Variants in MACROD2 observed in about 807,000 individuals in gnomAD.
MACROD2 encodes the protein mono-ADP ribosylhydrolase 2.
MACROD2 carries 36 observed loss-of-function variants against 70.4 expected under a neutral mutation model. The observed-to-expected ratio is 0.51, with a 90% CI of 0.39 to 0.68. The LOEUF (loss-of-function observed/expected upper bound fraction) is 0.68, where lower values mean the gene tolerates loss of function less well. Ranked by LOEUF, MACROD2 falls within the 30% of genes least tolerant of loss-of-function variation. MACROD2 has a pLI of 0.00. For synonymous variants in MACROD2, 172 were observed against 178.8 expected, an observed-to-expected ratio of 0.96 and a Z score of 0.30; for missense variants, 496 against 538.4, an observed-to-expected ratio of 0.92 and a Z score of 0.78.
At chr20:15,701,701 G>A (rs1369251656) in intron 8 of MACROD2, among the ~76,000 whole-genome samples, 1 of 152,128 alleles carries the variant, frequency 6.6e-6, no homozygotes, top group South Asian at 2.1e-4. Flanking sequence ...GCGTACATAT[G>A]CAGGTTTGTT....
chr20:14,149,989 G>A (rs1332750993), intron 3 of MACROD2, among the ~76,000 whole-genome samples: 1 of 151,920 alleles, frequency 6.6e-6, no homozygotes, highest in Non-Finnish European at 1.5e-5. Context: ...AATGTATTTT[G>A]TCTATAAACT....
At chr20:14,055,185 G>A (rs2876713) in intron 2 of MACROD2, among the ~76,000 whole-genome samples, 26,718 of 152,012 alleles carry the variant, frequency 0.18, 2,570 homozygotes, top group South Asian at 0.23. Context: ...AAAAACATGC[G>A]TTTATTTTGT....
chr20:14,126,046 C>G (rs1050047793), intron 3 of MACROD2, among the ~76,000 whole-genome samples: 7 of 152,090 alleles, frequency 4.6e-5, no homozygotes, highest in African/African-American at 1.7e-4. Context: ...CTGAGTGTTA[C>G]GTGAAGCAAA....
intron 5 of MACROD2, among the ~76,000 whole-genome samples, chr20:15,142,476 T>C (rs1249387673): frequency 2.6e-5 from 4 of 152,204 alleles, no homozygotes; most frequent in South Asian, 2.1e-4. Flanking sequence ...ATGGTTTTCA[T>C]AGGCATTTTT....
At chr20:14,849,289 C>T (rs2073173871) in intron 5 of MACROD2, among the ~76,000 whole-genome samples, 1 of 152,170 alleles carries the variant, frequency 6.6e-6, no homozygotes, top group Non-Finnish European at 1.5e-5. Flanking sequence ...TTTTATTCCA[C>T]CAACTTTATT....
chr20:15,653,359 T>C (rs1472414312), intron 8 of MACROD2, among the ~76,000 whole-genome samples: 1 of 152,236 alleles, frequency 6.6e-6, no homozygotes, highest in Admixed American at 6.6e-5. Flanking sequence ...TATGGACATG[T>C]GACTAAAGTC....
At chr20:15,972,684 C>T (rs1313008621) in intron 13 of MACROD2, among the ~76,000 whole-genome samples, 1 of 152,014 alleles carries the variant, frequency 6.6e-6, no homozygotes, top group East Asian at 1.9e-4. Context: ...GTGGTGGGCA[C>T]CTGTAATCCC....
In MACROD2 at chr20:14,346,093, C is replaced by CAAA. The variant is rs71190130; in HGVS notation, c.272-147357_272-147355dup. Reference sequence around the variant, plus strand: ...TGGGTGACAGAGTGAGATTCTGCCTCAAAAAAAAAAAAAAAAAAAAAAAAA... The same window carrying CAAA: ...TGGGTGACAGAGTGAGATTCTGCCTCAAAAAAAAAAAAAAAAAAAAAAAAAAAA... On this transcript the variant is annotated intron_variant, in intron 3 of 17. Transcript: ENST00000684519. Among the ~76,000 whole-genome samples the CAAA allele has an allele frequency of 6.1e-3, 250 of 41,180 alleles. 21 individuals are homozygous for CAAA. Among genetic ancestry groups the CAAA allele is most frequent in the South Asian group, 8.2e-3 (4 of 486 alleles). The allele number at this position is 41,180 out of a possible 152,430, so 27.0% of individuals were successfully genotyped here.
chr20:16,027,293 A>G (rs1478236147), intron 15 of MACROD2, among the ~76,000 whole-genome samples: 1 of 152,154 alleles, frequency 6.6e-6, no homozygotes, highest in Admixed American at 6.6e-5. Flanking sequence ...TCTTGGATGC[A>G]GCGTACATTT....
At chr20:15,056,793 A>G (rs2075489480) in intron 5 of MACROD2, among the ~76,000 whole-genome samples, 1 of 152,242 alleles carries the variant, frequency 6.6e-6, no homozygotes, top group Admixed American at 6.5e-5. Flanking sequence ...CAGCAAAGAG[A>G]TTTTTAAGTA....
chr20:15,059,930 G>C (rs1200969992), intron 5 of MACROD2, among the ~76,000 whole-genome samples: 1 of 152,108 alleles, frequency 6.6e-6, no homozygotes, highest in Non-Finnish European at 1.5e-5. Context: ...GTCAGAAAAA[G>C]AAGATGACAC....
At chr20:15,943,255 T>C (rs1009515709) in intron 12 of MACROD2, among the ~76,000 whole-genome samples, 1 of 152,184 alleles carries the variant, frequency 6.6e-6, no homozygotes, top group Non-Finnish European at 1.5e-5. Flanking sequence ...GGACTCAAAA[T>C]TGCTCTGGAA....
chr20:14,820,357 C>CTTTTTTTTTTTTT (rs11475238), intron 5 of MACROD2, among the ~76,000 whole-genome samples: 1 of 116,140 alleles, frequency 8.6e-6, no homozygotes, highest in Non-Finnish European at 1.8e-5. Context: ...ATTTTTCTTC[C>CTTTTTTTTTTTTT]TTTTTTTTTT....
intron 10 of MACROD2, among the ~76,000 whole-genome samples, chr20:15,908,802 GC>G (rs1174860569): frequency 6.6e-6 from 1 of 152,130 alleles, no homozygotes; most frequent in Non-Finnish European, 1.5e-5. Context: ...TGGATACTAA[GC>G]CAAGCATCTT....
chr20:14,443,096 A>C (rs1568614014), intron 3 of MACROD2, among the ~76,000 whole-genome samples: 1 of 151,384 alleles, frequency 6.6e-6, no homozygotes, highest in Non-Finnish European at 1.5e-5. Context: ...AAAAAAAAGA[A>C]ATGAGAACTA....
intron 3 of MACROD2, among the ~76,000 whole-genome samples, chr20:14,145,090 C>T (rs1484412709): frequency 6.6e-6 from 1 of 152,114 alleles, no homozygotes; most frequent in Non-Finnish European, 1.5e-5. Flanking sequence ...CCATGAGTGC[C>T]TTCTCCCTTG....
chr20:15,961,100 C>T (rs562034702), intron 12 of MACROD2, among the ~76,000 whole-genome samples: 2 of 152,178 alleles, frequency 1.3e-5, no homozygotes, highest in East Asian at 1.9e-4. Flanking sequence ...TAGAGCCACA[C>T]GATGAGCCAC....
At chr20:14,675,603 C>G (rs2123571335) in intron 4 of MACROD2, among the ~76,000 whole-genome samples, 1 of 152,198 alleles carries the variant, frequency 6.6e-6, no homozygotes, top group East Asian at 1.9e-4. Flanking sequence ...CAAAAACATA[C>G]CAAATTGTAA....
chr20:14,994,941 G>A (rs960784239), intron 5 of MACROD2, among the ~76,000 whole-genome samples: 3 of 151,878 alleles, frequency 2.0e-5, no homozygotes, highest in African/African-American at 7.3e-5. Context: ...GAGTTTGAGA[G>A]AAGCCTAGGC....
Sources: allele counts gnomAD v4.1 joint callset (sites outside exome capture counted in the v4.1 genomes callset), GRCh38; gene constraint gnomAD v4.1.1; transcripts MANE v1.5; gene names NCBI Gene and HGNC (gene_info 2026-07-23, HGNC 2026-07-21).